C1QTNF3: variants seen among roughly 807,000 people sequenced by gnomAD.
C1QTNF3 encodes the protein C1q and TNF related 3, also known as complement C1q tumor necrosis factor-related protein 3.
Under a neutral mutation model 32.6 loss-of-function variants are expected in C1QTNF3, and 26 were observed. The ratio of observed to expected loss-of-function variants is 0.80; its 90% CI spans 0.58 to 1.11. The LOEUF (loss-of-function observed/expected upper bound fraction) is 1.11, where lower values mean the gene tolerates loss of function less well. Ranked by LOEUF, C1QTNF3 falls within the 50% of genes least tolerant of loss-of-function variation. The pLI is 0.00. For missense variants in C1QTNF3, 362 were observed against 398.2 expected (o/e 0.91, Z 0.77); for synonymous variants, 155 against 146.0 (o/e 1.06, Z -0.44).
chr5:34,188,754 T>C, the C1QTNF3 span, among the ~76,000 whole-genome samples: 1 of 152,390 alleles, frequency 6.6e-6, no homozygotes, highest in African/African-American at 2.4e-5. Context: ...CTTTGGACTA[T>C]GGAATTTTGA....
chr5:34,072,653 C>T, the C1QTNF3 span, among the ~76,000 whole-genome samples: 2 of 152,130 alleles, frequency 1.3e-5, no homozygotes, highest in African/African-American at 4.8e-5. Flanking sequence ...GACTTAATTT[C>T]AGGTAAAGTA....
the C1QTNF3 span, among the ~76,000 whole-genome samples, chr5:34,076,129 T>C: frequency 6.6e-6 from 1 of 151,480 alleles, no homozygotes; most frequent in South Asian, 2.1e-4. Context: ...CAGTAGAGAA[T>C]TGTATGGGGT....
At chr5:34,150,451 A>G in the C1QTNF3 span, among the ~76,000 whole-genome samples, 1 of 78,592 alleles carries the variant, frequency 1.3e-5, no homozygotes, top group Non-Finnish European at 2.4e-5. Flanking sequence ...CATAGTTGGA[A>G]GTAAAGCTCT....
chr5:34,028,581 C>T (rs922708364), intron 4 of C1QTNF3, among the ~76,000 whole-genome samples, 173 bp downstream of exon 4: 3 of 152,078 alleles, frequency 2.0e-5, no homozygotes, highest in Non-Finnish European at 2.9e-5. Context: ...TTTGGTTTAA[C>T]GTGAATCAGA....
At chr5:34,092,189 A>C in the C1QTNF3 span, among the ~76,000 whole-genome samples, 1 of 152,092 alleles carries the variant, frequency 6.6e-6, no homozygotes, top group East Asian at 1.9e-4. Flanking sequence ...ATTCAACAGA[A>C]AATCGAGAAA....
At chr5:34,150,295 C>A in the C1QTNF3 span, among the ~76,000 whole-genome samples, 1 of 93,322 alleles carries the variant, frequency 1.1e-5, no homozygotes, top group Admixed American at 1.1e-4. Context: ...TTAGACAGAT[C>A]AACGAGACAG....
chr5:34,156,496 A>G, the C1QTNF3 span, among the ~76,000 whole-genome samples: 64 of 152,382 alleles, frequency 4.2e-4, 1 homozygote, highest in South Asian at 0.012. Context: ...TTAATGCAAT[A>G]GCATGTCTAA....
the C1QTNF3 span, among the ~76,000 whole-genome samples, chr5:34,237,730 G>A: frequency 6.6e-6 from 1 of 152,112 alleles, no homozygotes; most frequent in Non-Finnish European, 1.5e-5. Context: ...AGCCTGTGCA[G>A]GGAACCCAAA....
chr5:34,049,347 TC>T, the C1QTNF3 span, among the ~76,000 whole-genome samples: 1 of 152,192 alleles, frequency 6.6e-6, no homozygotes, highest in Non-Finnish European at 1.5e-5. Context: ...TTCCCTTGGT[TC>T]CCCTAGCCTT....
chr5:34,190,288 C>G, the C1QTNF3 span: 1 of 715,100 alleles, frequency 1.4e-6, no homozygotes, highest in Non-Finnish European at 2.6e-6. Context: ...TCCCTTTGTG[C>G]CCAGGCCCGG....
chr5:34,084,726 C>G, the C1QTNF3 span, among the ~76,000 whole-genome samples: 2 of 146,842 alleles, frequency 1.4e-5, no homozygotes, highest in Non-Finnish European at 3.0e-5. Flanking sequence ...GGACATTAGC[C>G]CTTTGTCAGA....
chr5:34,106,232 T>C, the C1QTNF3 span: 3 of 149,988 alleles, frequency 2.0e-5, no homozygotes, highest in African/African-American at 7.6e-5. Flanking sequence ...TAAAATAGAG[T>C]GACATTTAAA....
the C1QTNF3 span, among the ~76,000 whole-genome samples, chr5:34,233,589 T>C: frequency 6.6e-6 from 1 of 152,112 alleles, no homozygotes; most frequent in Non-Finnish European, 1.5e-5. Context: ...TTGATTACAC[T>C]GAACTCAAAA....
At chr5:34,067,834 G>A in the C1QTNF3 span, among the ~76,000 whole-genome samples, 1 of 152,112 alleles carries the variant, frequency 6.6e-6, no homozygotes, top group African/African-American at 2.4e-5. Flanking sequence ...ACTGTTTACT[G>A]TTTTATTTTT....
chr5:34,089,083 T>C, the C1QTNF3 span, among the ~76,000 whole-genome samples: 2 of 152,068 alleles, frequency 1.3e-5, no homozygotes, highest in African/African-American at 4.8e-5. Context: ...TGGGCAGAGA[T>C]GGAAGTGGAA....
chr5:34,139,071 T>A, the C1QTNF3 span, among the ~76,000 whole-genome samples: 2 of 152,212 alleles, frequency 1.3e-5, 1 homozygote, highest in African/African-American at 4.8e-5. Context: ...AGACATATTG[T>A]ATGTATCTAA....
chr5:34,217,676 G>C, the C1QTNF3 span, among the ~76,000 whole-genome samples: 1 of 152,128 alleles, frequency 6.6e-6, no homozygotes, highest in East Asian at 1.9e-4. Flanking sequence ...CACAGCTAAA[G>C]TTGGGATTAT....
At chr5:34,083,574 ATTGT>A in the C1QTNF3 span, among the ~76,000 whole-genome samples, 1 of 151,512 alleles carries the variant, frequency 6.6e-6, no homozygotes, top group South Asian at 2.1e-4. Context: ...CCATATTTAT[ATTGT>A]TTAAAAAGCA....
the C1QTNF3 span, among the ~76,000 whole-genome samples, chr5:34,048,285 T>TGTGTGTGTGTGTGC: frequency 5.1e-5 from 5 of 98,412 alleles, no homozygotes; most frequent in African/African-American, 1.8e-4. Context: ...TGTGTGTGTG[T>TGTGTGTGTGTGTGC]GCATGAGAGA....
Sources: gnomAD v4.1 joint callset for allele counts (sites outside exome capture counted in the v4.1 genomes callset) on GRCh38, gnomAD v4.1.1 for gene constraint, MANE v1.5 for transcripts, NCBI Gene and HGNC (gene_info 2026-07-23, HGNC 2026-07-21) for gene names.